SMOC1: variants seen among roughly 807,000 people sequenced by gnomAD.
SMOC1 encodes SPARC related modular calcium binding 1.
In SMOC1, 22 loss-of-function variants were observed where a neutral mutation model predicts 56.3. The observed-to-expected ratio is 0.39, with a 90% CI of 0.28 to 0.56. The LOEUF is 0.56. Ranked by LOEUF, SMOC1 falls within the 20% of genes least tolerant of loss-of-function variation. The pLI is 0.61. For synonymous variants in SMOC1, 193 were observed against 215.0 expected (o/e 0.90, Z 0.89); for missense variants, 509 against 565.4 (o/e 0.90, Z 1.01).
intron 1 of SMOC1, among the ~76,000 whole-genome samples, chr14:69,930,213 C>G (rs370927232): frequency 7.6e-6 from 1 of 130,790 alleles, no homozygotes; most frequent in East Asian, 2.5e-4. Context: ...CCCTTCTCAC[C>G]CCCCTGACAG....
In SMOC1 at chr14:69,961,272, G is replaced by GTATATATA. The variant is rs35703501; in HGVS notation, c.378+7780_378+7787dup. Among the ~76,000 whole-genome samples the GTATATATA allele has an allele frequency of 3.9e-3, 289 of 74,868 alleles. 2 individuals are homozygous for GTATATATA. The highest frequency in any genetic ancestry group is 5.1e-3 in the Non-Finnish European group (206 of 40,728). 49.1% of individuals were successfully genotyped at this position (74,868 alleles called of 152,430 possible). A position where few individuals can be genotyped will look rare whatever the true frequency, so the allele number is the denominator to read the frequency against. On this transcript the variant is annotated intron_variant, in intron 3 of 11. Coordinates refer to ENST00000361956, the MANE Select transcript of SMOC1 (RefSeq NM_001034852.3). ...TTATTGTCAAGCAATATTCTATTGTGTATATATATATATATATATATATAT... is the reference window on the plus strand; with the variant it reads ...TTATTGTCAAGCAATATTCTATTGTGTATATATATATATATATATATATATATATATAT...
intron 3 of SMOC1, among the ~76,000 whole-genome samples, chr14:69,962,013 C>G (rs943437997): frequency 6.6e-6 from 1 of 152,180 alleles, no homozygotes; most frequent in Non-Finnish European, 1.5e-5. Context: ...CTAATGATGT[C>G]AAGCATCTTT....
In SMOC1 at chr14:70,018,714, A is replaced by G. The variant is rs117241126; in HGVS notation, c.1047-4489A>G. ...GCTTCACCCTCCCCCAGGGAAAGTC[A>G]ACTTTGAGGGGAGGTGGGAAGGGCT... On this transcript the variant is annotated intron_variant, in intron 10 of 11. Transcript: ENST00000361956. 1.1e-3 allele frequency among the ~76,000 whole-genome samples: 167 copies of G among 152,276 alleles called. 3 individuals carry two copies. In the East Asian group the frequency reaches 0.03, roughly 28 times the overall value.
chr14:69,953,285 C>T, intron 2 of SMOC1, 135 bp from the exon 3 acceptor site: 2 of 776,668 alleles, frequency 2.6e-6, no homozygotes, highest in Non-Finnish European at 4.6e-6. Flanking sequence ...TAGCCACGGC[C>T]CTTTTAGGGT....
chr14:69,879,596 G>T lies in SMOC1; in HGVS notation c.-83G>T, dbSNP rs142897673. ...CCCCGCCGCCGCGAGGGCCCCGAGC[G>T]AAGGAAGGAAGGGAGGCGCGCTGTG... On this transcript the variant is annotated 5_prime_UTR_variant, in exon 1 of 12. The change creates a premature stop within an existing upstream ORF in the 5' untranslated region. Transcript: ENST00000361956. 0.023 allele frequency: 26,059 copies of T among 1,120,872 alleles called. 400 individuals are homozygous for T. Among genetic ancestry groups the T allele is most frequent in the Non-Finnish European group, 0.028 (23,678 of 857,244 alleles). 69.4% of individuals were successfully genotyped at this position (1,120,872 alleles called of 1,614,324 possible).
Position 69,990,821 on chromosome 14 carries a change from A to T in SMOC1, c.527-1596A>T, listed in dbSNP as rs371889890. Among the ~76,000 whole-genome samples the T allele has an allele frequency of 6.4e-4, 97 of 152,256 alleles. 1 individual carries two copies. Among genetic ancestry groups the T allele is most frequent in the African/African-American group, 2.2e-3 (91 of 41,550 alleles). On this transcript the variant is annotated intron_variant, in intron 5 of 11. Coordinates refer to ENST00000361956, the MANE Select transcript of SMOC1 (RefSeq NM_001034852.3). The stretch of plus-strand genomic sequence containing the variant: ...TGGGATGATTGTCAGATAATTCAGG[A>T]TCACTTTGGCTTCTGCAAGAGTTGG...
At position 69,952,123 on chromosome 14, in the gene SMOC1, T is replaced by A; in HGVS notation, c.100-15T>A. The A allele has an allele frequency of 6.2e-7, 1 of 1,614,026 alleles. No homozygotes were observed. The highest frequency in any genetic ancestry group is 1.1e-5 in the South Asian group (1 of 91,080). On this transcript the variant is annotated splice_polypyrimidine_tract_variant and intron_variant, in intron 1 of 11. Coordinates refer to ENST00000361956, the MANE Select transcript of SMOC1 (RefSeq NM_001034852.3). ...AAAAGTAACCTCTGTACCCTTTCAC[T>A]TTTTTCCAACCTAGTTTCTAATAAG...
At chr14:69,885,732 G>A (rs1189933530) in intron 1 of SMOC1, 13 of 1,468,364 alleles carry the variant, frequency 8.9e-6, no homozygotes, top group East Asian at 6.8e-5. Context: ...ACTCCTGCTC[G>A]AAGGACAGGT....
At chr14:69,935,678 C>A (rs1450696435) in intron 1 of SMOC1, among the ~76,000 whole-genome samples, 1 of 151,772 alleles carries the variant, frequency 6.6e-6, no homozygotes, top group Non-Finnish European at 1.5e-5. Flanking sequence ...TGGGTGGCAG[C>A]ACGGGGGTGG....
intron 10 of SMOC1, 148 bp from the exon 11 acceptor site, chr14:70,023,055 T>C: frequency 1.4e-5 from 16 of 1,183,880 alleles, no homozygotes; most frequent in Non-Finnish European, 1.9e-5. Flanking sequence ...TGGCTTAACG[T>C]TGCCACAGGC....
At chr14:69,928,987 C>T (rs1885090983) in intron 1 of SMOC1, among the ~76,000 whole-genome samples, 1 of 152,198 alleles carries the variant, frequency 6.6e-6, no homozygotes, top group South Asian at 2.1e-4. Flanking sequence ...AGTCTCTGTA[C>T]ACTGGAGTGA....
chr14:69,999,843 C>T (rs79271318), intron 7 of SMOC1, among the ~76,000 whole-genome samples: 3,387 of 152,204 alleles, frequency 0.022, 121 homozygotes, highest in African/African-American at 0.077. Flanking sequence ...TGCTCCTTTG[C>T]CCCATGTTGT....
At chr14:69,882,519 G>A (rs892606580) in intron 1 of SMOC1, among the ~76,000 whole-genome samples, 14 of 152,210 alleles carry the variant, frequency 9.2e-5, no homozygotes, top group Non-Finnish European at 1.9e-4. Flanking sequence ...TATGTAGGAA[G>A]CACCTGATTT....
intron 7 of SMOC1, among the ~76,000 whole-genome samples, chr14:70,009,117 T>A (rs1885245762): frequency 6.6e-6 from 1 of 152,236 alleles, no homozygotes; most frequent in South Asian, 2.1e-4. Flanking sequence ...CTTTTCTATA[T>A]TTGCATTATG....
At chr14:69,943,207 G>C (rs1200282425) in intron 1 of SMOC1, among the ~76,000 whole-genome samples, 1 of 152,190 alleles carries the variant, frequency 6.6e-6, no homozygotes, top group Admixed American at 6.5e-5. Context: ...CTTTAATCGG[G>C]CATGCTGCTG....
At chr14:69,919,859 A>G (rs535972646) in intron 1 of SMOC1, among the ~76,000 whole-genome samples, 9 of 152,288 alleles carry the variant, frequency 5.9e-5, no homozygotes, top group Admixed American at 5.9e-4. Context: ...AAGATTATCC[A>G]ATATGAAATT....
At chr14:69,883,889 A>ATTTTTTTTTTTTTTTTT (rs34300667) in intron 1 of SMOC1, among the ~76,000 whole-genome samples, 1 of 66,622 alleles carries the variant, frequency 1.5e-5, no homozygotes, top group African/African-American at 7.0e-5. Context: ...GATGTTGAGC[A>ATTTTTTTTTTTTTTTTT]TTTTTTTTTT....
intron 1 of SMOC1, among the ~76,000 whole-genome samples, chr14:69,914,289 TACTAA>T (rs1456956592): frequency 1.3e-5 from 2 of 152,218 alleles, no homozygotes; most frequent in Non-Finnish European, 2.9e-5. Context: ...CTGTTGCAAA[TACTAA>T]ACTCTGCCAC....
chr14:69,978,351 A>C (rs1884046670), intron 5 of SMOC1, among the ~76,000 whole-genome samples: 1 of 152,204 alleles, frequency 6.6e-6, no homozygotes, highest in Admixed American at 6.5e-5. Context: ...TTGTGTAAGC[A>C]CATTTGGGCA....
Sources: allele counts gnomAD v4.1 joint callset (sites outside exome capture counted in the v4.1 genomes callset), GRCh38; gene constraint gnomAD v4.1.1; transcripts MANE v1.5; gene names NCBI Gene and HGNC (gene_info 2026-07-23, HGNC 2026-07-21).